ATP9B: variants seen among roughly 807,000 people sequenced by gnomAD.
The protein encoded by ATP9B is ATPase phospholipid transporting 9B.
In ATP9B, 110 loss-of-function variants were observed where a neutral mutation model predicts 146.1. The observed-to-expected ratio is 0.75, with a 90% CI of 0.65 to 0.88. The LOEUF (loss-of-function observed/expected upper bound fraction) is 0.88, where lower values mean the gene tolerates loss of function less well. Among genes scored for constraint, ATP9B ranks in the 40% least tolerant of loss-of-function variants. The probability of loss-of-function intolerance (pLI) is 0.00; values close to 1 mark genes in which losing one functional copy is unlikely to be tolerated. For missense variants in ATP9B, 1,499 were observed against 1,496.4 expected (o/e 1.00, Z -0.03); for synonymous variants, 604 against 569.7 (o/e 1.06, Z -0.86).
intron 15 of ATP9B, among the ~76,000 whole-genome samples, chr18:79,310,388 G>T (rs920196279): frequency 3.3e-5 from 5 of 152,244 alleles, no homozygotes; most frequent in Non-Finnish European, 7.3e-5. Context: ...GAACAGATTT[G>T]TAGCCCAAAG....
At chr18:79,321,936 T>C (rs1249069918) in intron 15 of ATP9B, among the ~76,000 whole-genome samples, 1 of 152,182 alleles carries the variant, frequency 6.6e-6, no homozygotes, top group Non-Finnish European at 1.5e-5. Context: ...ACTGTGTAAA[T>C]TGGAAATTAG....
chr18:79,296,552 A>G (rs2096549339), intron 13 of ATP9B, among the ~76,000 whole-genome samples: 1 of 152,344 alleles, frequency 6.6e-6, no homozygotes, highest in South Asian at 2.1e-4. Flanking sequence ...AAAGAACTAA[A>G]TATAGAAGGT....
chr18:79,099,348 A>G (rs1420298007), intron 2 of ATP9B, among the ~76,000 whole-genome samples: 1 of 151,996 alleles, frequency 6.6e-6, no homozygotes, highest in Non-Finnish European at 1.5e-5. Flanking sequence ...CAGCCTCCTG[A>G]GTAGCTGGGA....
rs1475480197 is a variant in ATP9B at position 79,377,610 on chromosome 18, T to A, written c.*227T>A. ...CCCAGGGCACAGATGCCAGGATGGC[T>A]TCTCCCTCTCAGTGCGAGGCTTCAC... On this transcript the variant is annotated 3_prime_UTR_variant, in exon 30 of 30. Transcript: ENST00000426216. The A allele has an allele frequency of 2.1e-6, 1 of 480,528 alleles. No homozygotes were observed. The highest frequency in any genetic ancestry group is 3.7e-5 in the African/African-American group (1 of 27,286). 29.8% of individuals were successfully genotyped at this position (480,528 alleles called of 1,614,324 possible).
At chr18:79,370,031 G>A (rs909123995) in intron 26 of ATP9B, among the ~76,000 whole-genome samples, 9 of 152,092 alleles carry the variant, frequency 5.9e-5, no homozygotes, top group Non-Finnish European at 8.8e-5. Context: ...CCTGGGAGGC[G>A]GAGGTTGCAG....
intron 12 of ATP9B, among the ~76,000 whole-genome samples, chr18:79,261,083 G>C (rs1004090898): frequency 6.6e-6 from 1 of 152,192 alleles, no homozygotes. Flanking sequence ...TGGTTTAGAT[G>C]ATGAGATCTG....
At chr18:79,072,918 C>T (rs1439001973) in intron 1 of ATP9B, among the ~76,000 whole-genome samples, 3 of 150,742 alleles carry the variant, frequency 2.0e-5, no homozygotes, top group African/African-American at 4.9e-5. Context: ...CCAGACAGGG[C>T]GGCCGGGCAG....
chr18:79,284,641 C>CT (rs1202239042), intron 13 of ATP9B, among the ~76,000 whole-genome samples: 2 of 151,594 alleles, frequency 1.3e-5, no homozygotes, highest in African/African-American at 2.4e-5. Flanking sequence ...TATTATTATA[C>CT]TTTAAGTTTT....
At chr18:79,197,064 T>C (rs570278064) in intron 9 of ATP9B, among the ~76,000 whole-genome samples, 1 of 152,294 alleles carries the variant, frequency 6.6e-6, no homozygotes, top group African/African-American at 2.4e-5. Flanking sequence ...TCACCAAAAG[T>C]TGAACATACA....
chr18:79,224,206 G>T (rs1466361826), intron 11 of ATP9B, among the ~76,000 whole-genome samples: 1 of 152,052 alleles, frequency 6.6e-6, no homozygotes, highest in Non-Finnish European at 1.5e-5. Flanking sequence ...TTTATTTTTT[G>T]AACTCCTTGA....
chr18:79,278,800 AT>A (rs1235904474), intron 13 of ATP9B, among the ~76,000 whole-genome samples: 4 of 151,958 alleles, frequency 2.6e-5, no homozygotes, highest in African/African-American at 4.8e-5. Flanking sequence ...GAGTGTTAGG[AT>A]TTTCCCTTCC....
intron 15 of ATP9B, among the ~76,000 whole-genome samples, chr18:79,320,800 A>T (rs141357768): frequency 4.0e-5 from 4 of 98,950 alleles, no homozygotes; most frequent in East Asian, 8.3e-4. Context: ...AAACTCCGGG[A>T]TGCTGTGGGT....
intron 12 of ATP9B, 78 bp downstream of exon 12, chr18:79,253,619 G>T: frequency 7.1e-7 from 1 of 1,411,208 alleles, no homozygotes; most frequent in South Asian, 1.5e-5. Flanking sequence ...TTCTCAGTAT[G>T]AAAGAAATTA....
chr18:79,327,512 ATGGTTAGCG>A (rs2096756375), intron 15 of ATP9B, among the ~76,000 whole-genome samples: 1 of 75,868 alleles, frequency 1.3e-5, no homozygotes, highest in African/African-American at 6.2e-5. Flanking sequence ...TGCTCTCTCC[ATGGTTAGCG>A]TGCTCTCCGT....
At chr18:79,226,611 G>A (rs1360264618) in intron 11 of ATP9B, among the ~76,000 whole-genome samples, 4 of 152,286 alleles carry the variant, frequency 2.6e-5, no homozygotes, top group Admixed American at 6.5e-5. Flanking sequence ...GACTTCCCAC[G>A]CCCTGGAGGC....
intron 5 of ATP9B, among the ~76,000 whole-genome samples, chr18:79,135,854 A>G (rs575882860): frequency 6.6e-6 from 1 of 152,194 alleles, no homozygotes; most frequent in South Asian, 2.1e-4. Context: ...GTTTTTTTGC[A>G]TATGGCCATT....
At chr18:79,184,743 G>A (rs953585546) in intron 8 of ATP9B, among the ~76,000 whole-genome samples, 1 of 152,022 alleles carries the variant, frequency 6.6e-6, no homozygotes, top group African/African-American at 2.4e-5. Flanking sequence ...CAGAACTAAA[G>A]GGATAATATG....
At chr18:79,201,825 C>G (rs1240410266) in intron 9 of ATP9B, among the ~76,000 whole-genome samples, 2 of 152,148 alleles carry the variant, frequency 1.3e-5, no homozygotes, top group Admixed American at 1.3e-4. Flanking sequence ...TCCCAAAGTG[C>G]TGGGATTACA....
chr18:79,156,265 C>A (rs968831905), intron 7 of ATP9B, among the ~76,000 whole-genome samples: 6 of 152,178 alleles, frequency 3.9e-5, no homozygotes, highest in African/African-American at 1.4e-4. Context: ...ATTTCTCTTT[C>A]CTCTTGGAAA....
Sources: allele counts gnomAD v4.1 joint callset (sites outside exome capture counted in the v4.1 genomes callset), GRCh38; gene constraint gnomAD v4.1.1; transcripts MANE v1.5; gene names NCBI Gene and HGNC (gene_info 2026-07-23, HGNC 2026-07-21).